OCA2: variants seen among roughly 807,000 people sequenced by gnomAD.
The protein encoded by OCA2 is P protein.
In OCA2, 77 loss-of-function variants were observed where a neutral mutation model predicts 100.2. The observed-to-expected ratio is 0.77, with a 90% confidence interval of 0.64 to 0.93. The LOEUF is 0.93. Among genes scored for constraint, OCA2 ranks in the 40% least tolerant of loss-of-function variants. OCA2 has a pLI of 0.00. For synonymous variants in OCA2, 432 were observed against 439.2 expected (o/e 0.98, Z 0.21); for missense variants, 1,062 against 1,089.1 (o/e 0.98, Z 0.35).
At chr15:27,828,523 G>T (rs2151302520) in intron 23 of OCA2, among the ~76,000 whole-genome samples, 1 of 152,282 alleles carries the variant, frequency 6.6e-6, no homozygotes, top group African/African-American at 2.4e-5. Flanking sequence ...AATTTACAGA[G>T]AAATTCAATT....
At chr15:28,033,828 G>GT (rs1200373409) in intron 2 of OCA2, among the ~76,000 whole-genome samples, 1 of 152,104 alleles carries the variant, frequency 6.6e-6, no homozygotes, top group Non-Finnish European at 1.5e-5. Context: ...CTATAAATCT[G>GT]TAACTGTAAC....
At chr15:27,994,806 T>C (rs2041670529) in intron 9 of OCA2, among the ~76,000 whole-genome samples, 1 of 152,168 alleles carries the variant, frequency 6.6e-6, no homozygotes, top group South Asian at 2.1e-4. Context: ...CTAGGGCATC[T>C]CTGATCTTCA....
At chr15:27,863,915 C>T (rs945990439) in intron 21 of OCA2, among the ~76,000 whole-genome samples, 2 of 152,132 alleles carry the variant, frequency 1.3e-5, no homozygotes, top group Non-Finnish European at 2.9e-5. Context: ...TGTATTGTGT[C>T]GGTGGGACAC....
intron 18 of OCA2, among the ~76,000 whole-genome samples, chr15:27,949,093 A>T (rs565342014): frequency 2.8e-4 from 43 of 152,354 alleles, no homozygotes; most frequent in Non-Finnish European, 4.1e-4. Flanking sequence ...TAATAAAAAA[A>T]AAATAAAGAG....
chr15:27,974,025 A>C (rs978654719), intron 14 of OCA2, among the ~76,000 whole-genome samples: 3 of 152,182 alleles, frequency 2.0e-5, no homozygotes, highest in African/African-American at 7.2e-5. Context: ...ATTTGTGTAC[A>C]TTGATTTTGT....
At chr15:28,040,324 T>A (rs1253072545) in intron 2 of OCA2, among the ~76,000 whole-genome samples, 1 of 152,118 alleles carries the variant, frequency 6.6e-6, no homozygotes, top group Non-Finnish European at 1.5e-5. Flanking sequence ...AAATGAAACA[T>A]AACACATCAA....
the OCA2 span, among the ~76,000 whole-genome samples, chr15:27,743,262 G>T: frequency 1.3e-5 from 2 of 152,178 alleles, no homozygotes; most frequent in African/African-American, 4.8e-5. Context: ...AGTCTGCACG[G>T]CCACAAGTCT....
At chr15:27,740,866 C>T in the OCA2 span, among the ~76,000 whole-genome samples, 1 of 152,226 alleles carries the variant, frequency 6.6e-6, no homozygotes, top group African/African-American at 2.4e-5. Context: ...ATGCTTGTCT[C>T]ACGAGTCTCC....
At position 27,938,605 on chromosome 15, in the gene OCA2, C is replaced by T. The variant is rs146701625; in HGVS notation, c.1952-12351G>A. On this transcript the variant is annotated intron_variant, in intron 18 of 23. Coordinates refer to ENST00000354638, the MANE Select transcript of OCA2 (RefSeq NM_000275.3). ...ACTCAAGGGTTACTGTGCTTAGAGG[C>T]TGGTAAGTTTCACCAAATATGAAGA... Among the ~76,000 whole-genome samples, 565 of 152,266 alleles carry T rather than the reference C, an allele frequency of 3.7e-3. 4 individuals carry two copies. The highest frequency in any genetic ancestry group is 0.012 in the African/African-American group (519 of 41,552).
At chr15:27,799,760 A>AC (rs2033514535) in intron 23 of OCA2, among the ~76,000 whole-genome samples, 1 of 151,822 alleles carries the variant, frequency 6.6e-6, no homozygotes, top group Admixed American at 6.6e-5. Context: ...AAAAAAAAAA[A>AC]CTTTAGCAAA....
chr15:27,910,403 A>T (rs991037365), intron 19 of OCA2, among the ~76,000 whole-genome samples: 6 of 152,204 alleles, frequency 3.9e-5, no homozygotes, highest in Non-Finnish European at 7.3e-5. Context: ...GTTTGTAATC[A>T]CAAAAGACTG....
intron 23 of OCA2, 45 bp from the exon 24 acceptor site, chr15:27,755,517 A>AATCTCATGAGCTATGAGTCCGT: frequency 6.7e-7 from 1 of 1,481,534 alleles, no homozygotes; most frequent in African/African-American, 1.4e-5. Context: ...AAATCTGGAT[A>AATCTCATGAGCTATGAGTCCGT]ATCTCATGAG....
At chr15:27,974,549 C>A (rs2040905115) in intron 14 of OCA2, among the ~76,000 whole-genome samples, 1 of 152,182 alleles carries the variant, frequency 6.6e-6, no homozygotes, top group Admixed American at 6.5e-5. Context: ...GATGGATCAC[C>A]TGAGGTCAGT....
chr15:27,899,374 GGA>G (rs1567078793), intron 19 of OCA2, among the ~76,000 whole-genome samples: 1 of 152,150 alleles, frequency 6.6e-6, no homozygotes, highest in African/African-American at 2.4e-5. Context: ...TTGAGGACCC[GGA>G]GAAGGGGAAA....
At chr15:27,831,104 G>A (rs1021809003) in intron 23 of OCA2, among the ~76,000 whole-genome samples, 3 of 151,898 alleles carry the variant, frequency 2.0e-5, no homozygotes, top group African/African-American at 4.8e-5. Context: ...TGGCCAACAC[G>A]GTGAAAACTC....
chr15:28,096,345 T>G (rs2141981990), intron 1 of OCA2, among the ~76,000 whole-genome samples: 1 of 152,228 alleles, frequency 6.6e-6, no homozygotes, highest in East Asian at 1.9e-4. Flanking sequence ...GGAGGTGGTC[T>G]GTCTGTGTCG....
At chr15:27,927,997 G>A (rs2140388169) in intron 18 of OCA2, among the ~76,000 whole-genome samples, 1 of 151,862 alleles carries the variant, frequency 6.6e-6, no homozygotes, top group Middle Eastern at 3.4e-3. Context: ...TCACCATGTT[G>A]GCCAGGCTGG....
chr15:28,018,600 C>T, intron 6 of OCA2, 43 bp from the exon 7 acceptor site: 6 of 1,590,182 alleles, frequency 3.8e-6, no homozygotes, highest in Non-Finnish European at 3.4e-6. Flanking sequence ...ACAGGAGAAA[C>T]CCCATGTCCC....
chr15:27,947,247 AGCTCTCCCTTG>A (rs1226087319), intron 18 of OCA2, among the ~76,000 whole-genome samples: 8 of 152,230 alleles, frequency 5.3e-5, no homozygotes, highest in African/African-American at 1.9e-4. Flanking sequence ...CCAAGGGGAA[AGCTCTCCCTTG>A]GCCCCTGTGA....
Sources: allele counts gnomAD v4.1 joint callset (sites outside exome capture counted in the v4.1 genomes callset), GRCh38; gene constraint gnomAD v4.1.1; transcripts MANE v1.5; gene names NCBI Gene and HGNC (gene_info 2026-07-23, HGNC 2026-07-21).